MAP7D2: variants seen among roughly 807,000 people sequenced by gnomAD.
MAP7D2 encodes MAP7 domain-containing protein 2.
A neutral mutation model predicts 63.5 loss-of-function variants in MAP7D2; 33 were observed. That is an observed-to-expected ratio of 0.52 (90% CI 0.39 to 0.70). MAP7D2 has a LOEUF of 0.70. Among genes scored for constraint, MAP7D2 ranks in the 30% least tolerant of loss-of-function variants. MAP7D2 has a pLI of 0.00. For synonymous variants in MAP7D2, 224 were observed against 223.7 expected (o/e 1.00, Z -0.01); for missense variants, 626 against 604.0 (o/e 1.04, Z -0.38).
At chrX:20,054,988 T>C (rs186290956) in intron 4 of MAP7D2, among the ~76,000 whole-genome samples, 463 of 112,266 alleles carry the variant, frequency 4.1e-3, no homozygotes, top group Non-Finnish European at 6.8e-3. Flanking sequence ...TTATTCATTG[T>C]CAAAGGAATG....
Position 20,106,302 on chromosome X carries a change from C to T in MAP7D2, c.130+10448G>A, listed in dbSNP as rs757458762. On this transcript the variant is annotated intron_variant, in intron 1 of 16. Coordinates refer to ENST00000379643, the MANE Select transcript of MAP7D2 (RefSeq NM_001168465.2). ...GGACCCACTAGTCACAGCCTTGGTG[C>T]ACTCCCTTCACCCAGGCTGGGGAAA... 6.2e-5 allele frequency among the ~76,000 whole-genome samples: 7 copies of T among 112,140 alleles called. No individual in the cohort carries two copies. In the South Asian group the frequency reaches 2.2e-3, roughly 36 times the overall value.
At chrX:20,101,842 G>A (rs1309178981) in intron 1 of MAP7D2, among the ~76,000 whole-genome samples, 1 of 112,539 alleles carries the variant, frequency 8.9e-6, no homozygotes, top group Non-Finnish European at 1.9e-5. Flanking sequence ...TCTGGAGATG[G>A]ATTGTGGTGG....
Position 20,025,778 on chromosome X carries a change from G to C in MAP7D2, c.1182C>G (p.Gly394=), listed in dbSNP as rs1262629485. The C allele has an allele frequency of 8.3e-7, 1 of 1,211,545 alleles. No individual in the cohort carries two copies. The highest frequency in any genetic ancestry group is 3.0e-5 in the East Asian group (1 of 33,843). The part of the protein sequence containing the change: ...REGTLAQQAA[G]PQGEEALEKH... ...TCTCTAGGGCTTCCTCTCCTTGCGGGCCAGCAGCCTGCTGAGCCAAGGTAC... is the reference window on the plus strand; with the variant it reads ...TCTCTAGGGCTTCCTCTCCTTGCGGCCCAGCAGCCTGCTGAGCCAAGGTAC... The change falls in exon 9 of 17, where the codon GGC becomes GGG. Residue 394 remains glycine, a synonymous_variant. Coordinates refer to ENST00000379643, the MANE Select transcript of MAP7D2 (RefSeq NM_001168465.2).
At chrX:20,095,680 A>G (rs2066238932) in intron 1 of MAP7D2, among the ~76,000 whole-genome samples, 1 of 112,220 alleles carries the variant, frequency 8.9e-6, no homozygotes, top group Non-Finnish European at 1.9e-5. Flanking sequence ...TCACAGCAGC[A>G]TTATTCACAA....
At chrX:20,018,055 C>T (rs758929413) in intron 10 of MAP7D2, among the ~76,000 whole-genome samples, 1 of 108,148 alleles carries the variant, frequency 9.2e-6, no homozygotes, top group East Asian at 2.9e-4. Context: ...CAACCTCTGC[C>T]TCCCAGGTGC....
chrX:20,114,581 G>C (rs1284726990), intron 1 of MAP7D2, among the ~76,000 whole-genome samples: 3 of 112,255 alleles, frequency 2.7e-5, no homozygotes, highest in Non-Finnish European at 5.6e-5. Flanking sequence ...ATCACTAGGG[G>C]GTAATGGGAA....
intron 1 of MAP7D2, 105 bp downstream of exon 1, chrX:20,116,645 T>C (rs1390351198): frequency 2.9e-6 from 3 of 1,031,790 alleles, no homozygotes; most frequent in African/African-American, 2.0e-5. Context: ...CTCTGCGCCG[T>C]GCCCCTTCCC....
chrX:20,039,115 C>T (rs1027802841), intron 8 of MAP7D2, among the ~76,000 whole-genome samples: 2 of 112,399 alleles, frequency 1.8e-5, no homozygotes, highest in South Asian at 3.7e-4. Flanking sequence ...GTACCAGCTA[C>T]GATCACAGGA....
At chrX:20,029,101 T>C (rs1159096594) in intron 8 of MAP7D2, among the ~76,000 whole-genome samples, 1 of 112,392 alleles carries the variant, frequency 8.9e-6, no homozygotes, top group East Asian at 2.8e-4. Context: ...GAGCCCACAC[T>C]CTGGGCTTCT....
chrX:20,023,382 A>G (rs1168707426), intron 10 of MAP7D2, among the ~76,000 whole-genome samples: 1 of 112,538 alleles, frequency 8.9e-6, no homozygotes, highest in Non-Finnish European at 1.9e-5. Context: ...GTCCAGGACT[A>G]AGGGCTGAAA....
chrX:20,013,246 T>A, intron 13 of MAP7D2, 114 bp from the exon 14 acceptor site: 1 of 543,594 alleles, frequency 1.8e-6, no homozygotes, highest in Non-Finnish European at 3.1e-6. Flanking sequence ...GCCTGTTCTG[T>A]GGTAATTCTT....
chrX:20,052,067 AC>A (rs2064965152), intron 5 of MAP7D2, among the ~76,000 whole-genome samples: 1 of 112,139 alleles, frequency 8.9e-6, no homozygotes, highest in Non-Finnish European at 1.9e-5. Context: ...CCAGGAAGGC[AC>A]ACCAGCCTCT....
At chrX:20,076,219 C>G (rs2065638687) in intron 1 of MAP7D2, among the ~76,000 whole-genome samples, 1 of 111,637 alleles carries the variant, frequency 9.0e-6, no homozygotes, top group Admixed American at 9.6e-5. Flanking sequence ...ATTTTCTGAA[C>G]TGGCTTAAAT....
chrX:20,028,254 C>T (rs1603358098), intron 8 of MAP7D2, among the ~76,000 whole-genome samples: 1 of 112,251 alleles, frequency 8.9e-6, no homozygotes, highest in African/African-American at 3.2e-5. Flanking sequence ...TACAGCTCTG[C>T]TCTACTTCCT....
chrX:20,011,848 A>G (rs991725800), intron 15 of MAP7D2, among the ~76,000 whole-genome samples: 2 of 112,523 alleles, frequency 1.8e-5, no homozygotes, highest in Admixed American at 9.4e-5. Flanking sequence ...GCCAGCTGTA[A>G]GGCCTAGCAA....
chrX:20,030,893 C>T (rs988269106), intron 8 of MAP7D2, among the ~76,000 whole-genome samples: 18 of 112,143 alleles, frequency 1.6e-4, no homozygotes, highest in Middle Eastern at 4.6e-3. Context: ...ACCTCTGCCA[C>T]GAGATTCCTG....
At chrX:20,044,562 G>C in intron 6 of MAP7D2, 38 bp from the exon 7 acceptor site, 1 of 1,152,188 alleles carries the variant, frequency 8.7e-7, no homozygotes, top group Non-Finnish European at 1.2e-6. Flanking sequence ...AGGACAGAGA[G>C]TACAGATGGA....
At chrX:20,068,687 C>T (rs905259331) in intron 1 of MAP7D2, among the ~76,000 whole-genome samples, 1 of 111,881 alleles carries the variant, frequency 8.9e-6, no homozygotes, top group Non-Finnish European at 1.9e-5. Flanking sequence ...TTACTGTGAA[C>T]ACTAACACCA....
At chrX:20,040,951 A>AC (rs1021119927) in intron 8 of MAP7D2, among the ~76,000 whole-genome samples, 4 of 111,787 alleles carry the variant, frequency 3.6e-5, no homozygotes, top group African/African-American at 9.7e-5. Context: ...AACAACAACA[A>AC]AAAAAACCAG....
Sources: gnomAD v4.1 joint callset for allele counts (sites outside exome capture counted in the v4.1 genomes callset) on GRCh38, gnomAD v4.1.1 for gene constraint, MANE v1.5 for transcripts, NCBI Gene and HGNC (gene_info 2026-07-23, HGNC 2026-07-21) for gene names.